The following SMARCAD1 variants were observed in gnomAD, a reference collection of about 807,000 sequenced individuals.
SMARCAD1 encodes the protein SWI/SNF-related matrix-associated actin-dependent regulator of chromatin subfamily A containing DEAD/H box 1.
A neutral mutation model predicts 127.1 loss-of-function variants in SMARCAD1; 25 were observed. The ratio of observed to expected loss-of-function variants is 0.20; its 90% CI spans 0.14 to 0.27. The LOEUF (loss-of-function observed/expected upper bound fraction) is 0.27, where lower values mean the gene tolerates loss of function less well. Among genes scored for constraint, SMARCAD1 ranks in the 10% least tolerant of loss-of-function variants. SMARCAD1 has a pLI of 1.00. For synonymous variants in SMARCAD1, 400 were observed against 396.9 expected (o/e 1.01, Z -0.09); for missense variants, 807 against 1,206.0 (o/e 0.67, Z 4.90).
At chr4:94,260,118 T>C (rs77724320) in intron 9 of SMARCAD1, among the ~76,000 whole-genome samples, 4,284 of 152,214 alleles carry the variant, frequency 0.028, 183 homozygotes, top group African/African-American at 0.098. Flanking sequence ...CTTTTCTGAT[T>C]ATACCTCCCC....
intron 2 of SMARCAD1, among the ~76,000 whole-genome samples, chr4:94,215,223 A>G (rs570858028): frequency 1.8e-3 from 275 of 152,326 alleles, no homozygotes; most frequent in African/African-American, 5.7e-3. Context: ...GTTAATGTTA[A>G]TTGAAAAGCA....
At chr4:94,275,796 C>CT (rs535710589) in intron 14 of SMARCAD1, among the ~76,000 whole-genome samples, 1,540 of 85,380 alleles carry the variant, frequency 0.018, 42 homozygotes, top group East Asian at 0.13. Flanking sequence ...TTAACATTTT[C>CT]TTTTTTTTTT....
intron 6 of SMARCAD1, among the ~76,000 whole-genome samples, chr4:94,241,786 A>G (rs1747607910): frequency 6.6e-6 from 1 of 152,134 alleles, no homozygotes; most frequent in African/African-American, 2.4e-5. Context: ...AGCCAGATTA[A>G]TCTTGGTGTA....
At chr4:94,235,719 C>T (rs951011157) in intron 4 of SMARCAD1, among the ~76,000 whole-genome samples, 2 of 149,370 alleles carry the variant, frequency 1.3e-5, no homozygotes, top group African/African-American at 2.5e-5. Context: ...AAGGAAAGAG[C>T]TTCTAATAGA....
intron 9 of SMARCAD1, among the ~76,000 whole-genome samples, chr4:94,257,280 T>G (rs1750247957): frequency 6.6e-6 from 1 of 152,180 alleles, no homozygotes; most frequent in African/African-American, 2.4e-5. Flanking sequence ...AATGAAAAAG[T>G]AAAGTTTACC....
chr4:94,279,803 A>G (rs1753765684), intron 19 of SMARCAD1, among the ~76,000 whole-genome samples: 1 of 152,114 alleles, frequency 6.6e-6, no homozygotes, highest in African/African-American at 2.4e-5. Flanking sequence ...TTTCTCCTTT[A>G]ACATTTTAAC....
chr4:94,268,057 TG>T (rs1240504240), intron 10 of SMARCAD1, among the ~76,000 whole-genome samples: 1 of 152,130 alleles, frequency 6.6e-6, no homozygotes, highest in Non-Finnish European at 1.5e-5. Flanking sequence ...AGCAGTTCCG[TG>T]ATAGTAAGCA....
chr4:94,271,311 G>C (rs377367893), intron 11 of SMARCAD1, among the ~76,000 whole-genome samples: 2 of 151,996 alleles, frequency 1.3e-5, no homozygotes, highest in Non-Finnish European at 2.9e-5. Flanking sequence ...TTTTATTAGC[G>C]GTCTCTCCGG....
chr4:94,275,823 G>C (rs1429661222), intron 14 of SMARCAD1, among the ~76,000 whole-genome samples: 2 of 53,034 alleles, frequency 3.8e-5, no homozygotes, highest in African/African-American at 1.2e-4. Flanking sequence ...TTGAGACGGA[G>C]TCTCACTCTG....
At chr4:94,272,980 T>C (rs1057003952) in intron 11 of SMARCAD1, among the ~76,000 whole-genome samples, 1 of 151,976 alleles carries the variant, frequency 6.6e-6, no homozygotes. Context: ...GCTAATTTTG[T>C]ATTTTTGTAG....
At chr4:94,287,042 T>G (rs1257610840) in intron 23 of SMARCAD1, among the ~76,000 whole-genome samples, 1 of 152,232 alleles carries the variant, frequency 6.6e-6, no homozygotes, top group Non-Finnish European at 1.5e-5. Flanking sequence ...TTTTTTGTAT[T>G]TTTAGTAGAG....
intron 2 of SMARCAD1, among the ~76,000 whole-genome samples, chr4:94,221,910 A>C (rs1045098053): frequency 3.9e-5 from 6 of 152,224 alleles, no homozygotes; most frequent in African/African-American, 1.4e-4. Context: ...AATAAATTTG[A>C]GAAGAAATGA....
Position 94,214,419 on chromosome 4 carries a change from G to A in SMARCAD1, c.190+5835G>A, listed in dbSNP as rs529053917. Among the ~76,000 whole-genome samples, 113 of 143,330 alleles carry A rather than the reference G, an allele frequency of 7.9e-4. 2 individuals carry two copies. The South Asian group carries it at 0.025, about 32-fold the overall frequency. 94.0% of individuals were successfully genotyped at this position (143,330 alleles called of 152,430 possible). Reference sequence around the variant, plus strand: ...TGGGACTACAGGTGCCCGCCACCACGCCGGGCTAATTTTTTTTTTTTGTAT... The same window carrying A: ...TGGGACTACAGGTGCCCGCCACCACACCGGGCTAATTTTTTTTTTTTGTAT... On this transcript the variant is annotated intron_variant, in intron 2 of 23. Coordinates refer to ENST00000354268, the MANE Select transcript of SMARCAD1 (RefSeq NM_020159.5).
intron 11 of SMARCAD1, among the ~76,000 whole-genome samples, chr4:94,271,633 CAG>C (rs1752552589): frequency 6.6e-6 from 1 of 152,180 alleles, no homozygotes; most frequent in Non-Finnish European, 1.5e-5. Context: ...CATTAAAACA[CAG>C]ATACTGTTTA....
chr4:94,227,511 A>G (rs897887184), intron 3 of SMARCAD1, among the ~76,000 whole-genome samples: 1 of 152,196 alleles, frequency 6.6e-6, no homozygotes, highest in Non-Finnish European at 1.5e-5. Flanking sequence ...ATTCTGGAAT[A>G]TACTTTGAAG....
chr4:94,219,872 T>G (rs1214189020), intron 2 of SMARCAD1, among the ~76,000 whole-genome samples: 1 of 152,218 alleles, frequency 6.6e-6, no homozygotes, highest in Non-Finnish European at 1.5e-5. Context: ...GCCATTATTT[T>G]GCTTTAATAT....
upstream of SMARCAD1, chr4:94,207,659 C>G (rs1203989183): frequency 7.7e-5 from 12 of 155,098 alleles, no homozygotes. Context: ...GGTCCCGGCA[C>G]GGCTACCGTC....
chr4:94,226,385 T>G, intron 3 of SMARCAD1, 89 bp downstream of exon 3: 1 of 967,082 alleles, frequency 1.0e-6, no homozygotes, highest in Non-Finnish European at 1.5e-6. Context: ...TTTGGTGACT[T>G]CCCTTTTTTT....
chr4:94,232,519 A>G (rs532508441), intron 3 of SMARCAD1, among the ~76,000 whole-genome samples: 1 of 152,344 alleles, frequency 6.6e-6, no homozygotes, highest in Admixed American at 6.5e-5. Context: ...TCTAGGTATA[A>G]TAATGCAAAG....
Sources: gnomAD v4.1 joint callset for allele counts (sites outside exome capture counted in the v4.1 genomes callset) on GRCh38, gnomAD v4.1.1 for gene constraint, MANE v1.5 for transcripts, NCBI Gene and HGNC (gene_info 2026-07-23, HGNC 2026-07-21) for gene names.